PZP: variants seen among roughly 807,000 people sequenced by gnomAD.
PZP encodes pregnancy zone protein.
A neutral mutation model predicts 179.8 loss-of-function variants in PZP; 150 were observed. The ratio of observed to expected loss-of-function variants is 0.83; its 90% CI spans 0.73 to 0.96. The LOEUF (loss-of-function observed/expected upper bound fraction) is 0.96. PZP is among the 40% of genes least tolerant of loss of function. The probability of loss-of-function intolerance (pLI) is 0.00; values close to 1 mark genes in which losing one functional copy is unlikely to be tolerated. For synonymous variants in PZP, 624 were observed against 652.3 expected, an observed-to-expected ratio of 0.96 and a Z score of 0.66; for missense variants, 1,689 against 1,764.0, an observed-to-expected ratio of 0.96 and a Z score of 0.76.
intron 21 of PZP, 23 bp from the exon 22 acceptor site, chr12:9,162,671 G>T: frequency 6.4e-7 from 1 of 1,559,890 alleles, no homozygotes; most frequent in Non-Finnish European, 8.8e-7. Flanking sequence ...GAAAGAAAAG[G>T]AGAAAAGATA....
intron 33 of PZP, 85 bp from the exon 34 acceptor site, chr12:9,150,831 A>G: frequency 1.2e-6 from 1 of 854,490 alleles, no homozygotes; most frequent in East Asian, 2.5e-5. Flanking sequence ...TTGTTCTTTG[A>G]CTCTTTTTCA....
At position 9,165,936 on chromosome 12, in the gene PZP, G is replaced by A. The variant is rs1212322976; in HGVS notation, c.2258+116C>T. 3 of 1,276,960 alleles carry A rather than the reference G, an allele frequency of 2.3e-6. No individual in the cohort carries two copies. The African/African-American group carries it at 4.5e-5, about 19-fold the overall frequency. 79.1% of individuals were successfully genotyped at this position (1,276,960 alleles called of 1,614,324 possible). A position where few individuals can be genotyped will look rare whatever the true frequency, so the allele number is the denominator to read the frequency against. On this transcript the variant is annotated intron_variant, in intron 18 of 35. Coordinates refer to ENST00000261336, the MANE Select transcript of PZP (RefSeq NM_002864.3). Reference sequence around the variant, plus strand: ...ATTTTACTTAGGTCTATCCTAAAGAGGAAGAGGTTAAGATAATTATTCAGA... The same window carrying A: ...ATTTTACTTAGGTCTATCCTAAAGAAGAAGAGGTTAAGATAATTATTCAGA...
chr12:9,182,006 T>C lies in PZP; in HGVS notation c.1658A>G (p.Lys553Arg). Residue 553 changes from lysine (K) to arginine (R), a missense_variant, in exon 14 of 36, where the codon AAA becomes AGA. Physicochemically the swap from Lys to Arg is conservative, Grantham distance 26. This residue lies in a region of PZP where 742 missense variants were observed against 730.5 expected (regional missense o/e 1.02). Transcript: ENST00000261336. ...GGCTAGACAGTTTTCAATCTCAAAT[T>C]TTTCAGAGTCTCCAACAACTTCTCC... The part of the protein sequence containing the change: ...PDGEVVGDSE[K>R]FEIENCLANK... 1 of 1,613,902 alleles carries C rather than the reference T, an allele frequency of 6.2e-7. No individual in the cohort carries two copies. The highest frequency in any genetic ancestry group is 8.5e-7 in the Non-Finnish European group (1 of 1,179,922).
chr12:9,169,623 GTTACTT>G, intron 15 of PZP, 32 bp from the exon 16 acceptor site: 1 of 1,529,718 alleles, frequency 6.5e-7, no homozygotes, highest in Non-Finnish European at 8.8e-7. Context: ...AGGCAGAACT[GTTACTT>G]ACTTTTCTTT....
chr12:9,160,199 A>G, intron 24 of PZP, 115 bp downstream of exon 24: 1 of 1,144,740 alleles, frequency 8.7e-7, no homozygotes, highest in Non-Finnish European at 1.3e-6. Flanking sequence ...GTGTGGGAAG[A>G]TTGTTGTTTT....
chr12:9,158,385 G>A (rs1208197720), intron 26 of PZP, 35 bp downstream of exon 26: 1 of 1,610,186 alleles, frequency 6.2e-7, no homozygotes, highest in Admixed American at 1.7e-5. Context: ...TTATGTTGAT[G>A]TGTGTCAGGC....
intron 21 of PZP, among the ~76,000 whole-genome samples, chr12:9,162,975 A>G (rs765022377): frequency 1.5e-4 from 23 of 152,234 alleles, no homozygotes; most frequent in Admixed American, 8.5e-4. Flanking sequence ...GCTCGCCTCC[A>G]TGTGTCTATG....
chr12:9,173,189 A>G (rs142704034), intron 15 of PZP, among the ~76,000 whole-genome samples: 5 of 152,364 alleles, frequency 3.3e-5, no homozygotes, highest in East Asian at 3.9e-4. Context: ...CCACACAACT[A>G]TATGGAAATT....
intron 13 of PZP, among the ~76,000 whole-genome samples, chr12:9,182,838 T>C (rs1240138270): frequency 6.6e-6 from 1 of 152,176 alleles, no homozygotes; most frequent in Non-Finnish European, 1.5e-5. Context: ...ACGAGAGACT[T>C]AATGACTGAA....
At chr12:9,152,709 T>C in intron 31 of PZP, 115 bp downstream of exon 31, 1 of 1,086,872 alleles carries the variant, frequency 9.2e-7, no homozygotes, top group Non-Finnish European at 1.3e-6. Flanking sequence ...TTTATAGATA[T>C]ATCAATTCTA....
chr12:9,172,876 C>T (rs1051863439), intron 15 of PZP, among the ~76,000 whole-genome samples: 2 of 152,054 alleles, frequency 1.3e-5, no homozygotes, highest in South Asian at 2.1e-4. Context: ...ACAATAATAG[C>T]GAGAGACTTT....
chr12:9,164,310 A>G (rs1201920743), intron 19 of PZP, 51 bp from the exon 20 acceptor site: 1 of 1,577,372 alleles, frequency 6.3e-7, no homozygotes, highest in Non-Finnish European at 8.7e-7. Context: ...ATGGAACGAC[A>G]CGAACACATA....
At chr12:9,180,297 T>G (rs1942671643) in intron 15 of PZP, among the ~76,000 whole-genome samples, 1 of 152,126 alleles carries the variant, frequency 6.6e-6, no homozygotes, top group African/African-American at 2.4e-5. Context: ...TGGAAAAAAC[T>G]ACTTTAAAGT....
intron 13 of PZP, 25 bp downstream of exon 13, chr12:9,192,168 G>A (rs1338052047): frequency 6.3e-7 from 1 of 1,599,380 alleles, no homozygotes. Flanking sequence ...GGGGAGCAAG[G>A]AGAGATGAAT....
At position 9,153,419 on chromosome 12, in the gene PZP, A is replaced by G. The variant is rs757767709; in HGVS notation, c.3775-76T>C. ...GGGATTTTCCCCCAAAGTCTGTGTT[A>G]GCCTACCATGAGGGAAGCTGGCTTT... On this transcript the variant is annotated intron_variant, in intron 29 of 35. Coordinates refer to ENST00000261336, the MANE Select transcript of PZP (RefSeq NM_002864.3). The G allele has an allele frequency of 1.7e-5, 21 of 1,265,608 alleles. No individual in the cohort carries two copies. In the South Asian group the frequency reaches 1.8e-4, roughly 11 times the overall value. The allele number at this position is 1,265,608 out of a possible 1,614,324, so 78.4% of individuals were successfully genotyped here.
At chr12:9,187,369 A>T (rs879641879) in intron 13 of PZP, among the ~76,000 whole-genome samples, 4 of 152,150 alleles carry the variant, frequency 2.6e-5, no homozygotes, top group Non-Finnish European at 5.9e-5. Flanking sequence ...CTACAAAACA[A>T]CAACACATAC....
At chr12:9,184,245 C>T (rs1211428990) in intron 13 of PZP, among the ~76,000 whole-genome samples, 2 of 152,170 alleles carry the variant, frequency 1.3e-5, no homozygotes, top group African/African-American at 4.8e-5. Context: ...GCACTAAGCT[C>T]GCCAACCCCA....
chr12:9,142,999 C>T, the PZP span, among the ~76,000 whole-genome samples: 1 of 152,138 alleles, frequency 6.6e-6, no homozygotes, highest in Admixed American at 6.5e-5. Context: ...GGGAAAAAAC[C>T]TTTTCCAGGA....
intron 15 of PZP, 100 bp downstream of exon 15, chr12:9,180,883 A>T: frequency 1.5e-6 from 2 of 1,360,328 alleles, no homozygotes; most frequent in Non-Finnish European, 9.7e-7. Flanking sequence ...ATGGGAGAAA[A>T]TTTTCGCAAC....
Sources: allele counts gnomAD v4.1 joint callset (sites outside exome capture counted in the v4.1 genomes callset), GRCh38; gene constraint gnomAD v4.1.1; regional missense constraint gnomAD v4.1.1; transcripts MANE v1.5; gene names NCBI Gene and HGNC (gene_info 2026-07-23, HGNC 2026-07-21).